ALDH1A3: variants seen among roughly 807,000 people sequenced by gnomAD.
ALDH1A3 encodes the protein retinaldehyde dehydrogenase 3.
In ALDH1A3, 28 loss-of-function variants were observed where a neutral mutation model predicts 57.5. That is an observed-to-expected ratio of 0.49 (90% confidence interval 0.36 to 0.67). The LOEUF (loss-of-function observed/expected upper bound fraction) is 0.67. Ranked by LOEUF, ALDH1A3 falls within the 30% of genes least tolerant of loss-of-function variation. The probability of loss-of-function intolerance (pLI) is 0.00; values close to 1 mark genes in which losing one functional copy is unlikely to be tolerated. For missense variants in ALDH1A3, 507 were observed against 669.4 expected (o/e 0.76, Z 2.68); for synonymous variants, 281 against 264.8 (o/e 1.06, Z -0.59).
At chr15:100,910,322 G>A (rs139294911) in intron 12 of ALDH1A3, among the ~76,000 whole-genome samples, 132 of 152,368 alleles carry the variant, frequency 8.7e-4, no homozygotes, top group African/African-American at 3.0e-3. Flanking sequence ...CTAGTGGCCT[G>A]TTTGCATTTG....
chr15:100,914,782 C>T lies in ALDH1A3; in HGVS notation c.*9C>T, dbSNP rs768109909. Reference sequence around the variant, plus strand: ...GCGACAAGAACCCCTGAAGGAAAGGCGGGGCTCCTTCCTCAAACATCGGAC... The same window carrying T: ...GCGACAAGAACCCCTGAAGGAAAGGTGGGGCTCCTTCCTCAAACATCGGAC... On this transcript the variant is annotated 3_prime_UTR_variant, in exon 13 of 13. Coordinates refer to ENST00000329841, the MANE Select transcript of ALDH1A3 (RefSeq NM_000693.4). 22 of 1,613,470 alleles carry T rather than the reference C, an allele frequency of 1.4e-5. No individual in the cohort carries two copies. The highest frequency in any genetic ancestry group is 2.2e-5 in the East Asian group (1 of 44,878).
intron 9 of ALDH1A3, 134 bp from the exon 10 acceptor site, chr15:100,905,389 A>C: frequency 9.0e-7 from 1 of 1,105,744 alleles, no homozygotes; most frequent in Non-Finnish European, 1.3e-6. Context: ...AAGGCTCATT[A>C]GTTACATGGA....
chr15:100,903,343 T>TA (rs1323173429), intron 9 of ALDH1A3, among the ~76,000 whole-genome samples: 2 of 152,164 alleles, frequency 1.3e-5, no homozygotes, highest in African/African-American at 2.4e-5. Flanking sequence ...TATTGTTCCC[T>TA]AAAAAAACTG....
intron 3 of ALDH1A3, among the ~76,000 whole-genome samples, chr15:100,891,553 A>C (rs1488144539): frequency 6.6e-6 from 1 of 152,238 alleles, no homozygotes; most frequent in East Asian, 1.9e-4. Context: ...CCGTGCCTGC[A>C]CCTTGAAGTG....
At position 100,905,524 on chromosome 15, in the gene ALDH1A3, T is replaced by C. The variant is rs1324691550; in HGVS notation, c.1070T>C (p.Ile357Thr). Residue 357 changes from isoleucine to threonine, a missense_variant and splice_region_variant, in exon 10 of 13, where the codon ATT (isoleucine) becomes ACT (threonine). Physicochemically the swap from Ile to Thr is moderately conservative, Grantham distance 89 (BLOSUM62 -1). Around this residue, in one of 2 missense-constraint regions of ALDH1A3, gnomAD observed 432 missense variants for 608.4 expected, o/e 0.71. Coordinates refer to ENST00000329841, the MANE Select transcript of ALDH1A3 (RefSeq NM_000693.4). ...GTACTTCTTGTTTGTGTCTTGCAGATTGATCAAAAGCAGTTCGACAAAATC... is the reference window on the plus strand; with the variant it reads ...GTACTTCTTGTTTGTGTCTTGCAGACTGATCAAAAGCAGTTCGACAAAATC... Reference protein sequence around the residue: ...FDVKTEQGPQIDQKQFDKILE... With the variant: ...FDVKTEQGPQTDQKQFDKILE... The C allele has an allele frequency of 6.2e-7, 1 of 1,614,162 alleles. No homozygotes were observed.
At chr15:100,903,561 G>A (rs2041792218) in intron 9 of ALDH1A3, among the ~76,000 whole-genome samples, 1 of 152,228 alleles carries the variant, frequency 6.6e-6, no homozygotes, top group Admixed American at 6.5e-5. Flanking sequence ...GGGTTGCTAA[G>A]TGGGAACACA....
At chr15:100,913,023 C>T (rs368342267) in intron 12 of ALDH1A3, among the ~76,000 whole-genome samples, 2,051 of 95,882 alleles carry the variant, frequency 0.021, 665 homozygotes, top group East Asian at 0.076. Context: ...CCGGGCGTGG[C>T]AGCGGGCGCC....
At chr15:100,884,347 G>A (rs757780791) in intron 1 of ALDH1A3, among the ~76,000 whole-genome samples, 3 of 152,140 alleles carry the variant, frequency 2.0e-5, no homozygotes, top group Non-Finnish European at 2.9e-5. Flanking sequence ...CATGGACTTC[G>A]TATGTTCTTC....
chr15:100,896,821 T>C (rs79462614), intron 7 of ALDH1A3, among the ~76,000 whole-genome samples: 1,813 of 152,328 alleles, frequency 0.012, 30 homozygotes, highest in African/African-American at 0.041. Flanking sequence ...CTGTCCATGA[T>C]CTATTGTTGA....
intron 6 of ALDH1A3, chr15:100,895,566 A>G (rs2041693681): frequency 3.9e-6 from 1 of 256,590 alleles, no homozygotes; most frequent in African/African-American, 2.2e-5. Flanking sequence ...TAACGCATAC[A>G]CACACTCTCC....
chr15:100,898,965 C>T (rs753095712), intron 8 of ALDH1A3, among the ~76,000 whole-genome samples: 5 of 152,210 alleles, frequency 3.3e-5, no homozygotes, highest in Admixed American at 6.5e-5. Flanking sequence ...GACCTGTCCA[C>T]GGGTGCCAGA....
At chr15:100,892,892 C>G (rs2041664125) in intron 4 of ALDH1A3, 53 bp from the exon 5 acceptor site, 2 of 1,579,562 alleles carry the variant, frequency 1.3e-6, no homozygotes, top group Non-Finnish European at 1.7e-6. Flanking sequence ...ACTTGAAGTT[C>G]CTAACCTGGA....
chr15:100,898,250 C>T (rs1457444790), intron 8 of ALDH1A3, 65 bp downstream of exon 8: 41 of 1,450,504 alleles, frequency 2.8e-5, no homozygotes, highest in Admixed American at 3.6e-5. Flanking sequence ...CCCCTACTTC[C>T]TGGCCTGAAT....
chr15:100,892,274 A>T, intron 3 of ALDH1A3: 1 of 513,304 alleles, frequency 1.9e-6, no homozygotes. Context: ...TCTATGTTTT[A>T]GCCCACCACC....
intron 12 of ALDH1A3, among the ~76,000 whole-genome samples, chr15:100,908,727 C>G (rs1044618595): frequency 1.3e-5 from 2 of 152,200 alleles, no homozygotes; most frequent in African/African-American, 4.8e-5. Flanking sequence ...GCCCAGCAGC[C>G]ATCATGCTGG....
At chr15:100,900,849 G>A (rs190767304) in intron 9 of ALDH1A3, 90 bp downstream of exon 9, 58 of 1,422,982 alleles carry the variant, frequency 4.1e-5, no homozygotes, top group African/African-American at 2.7e-4. Flanking sequence ...GTCCCTCTCC[G>A]TGAAAGGAAT....
intron 9 of ALDH1A3, among the ~76,000 whole-genome samples, chr15:100,904,337 A>G (rs938268000): frequency 4.0e-5 from 6 of 151,530 alleles, no homozygotes; most frequent in Non-Finnish European, 8.8e-5. Flanking sequence ...CCTGGTATAA[A>G]GTGTGAGGTA....
chr15:100,896,156 A>G, intron 7 of ALDH1A3, 110 bp downstream of exon 7: 1 of 935,154 alleles, frequency 1.1e-6, no homozygotes, highest in Non-Finnish European at 1.6e-6. Flanking sequence ...TCTAAATTTG[A>G]CCATGTTTTA....
chr15:100,880,076 G>A, intron 1 of ALDH1A3, 70 bp downstream of exon 1: 16 of 1,179,630 alleles, frequency 1.4e-5, no homozygotes, highest in Non-Finnish European at 1.7e-5. Flanking sequence ...CGGGGCGGCG[G>A]GGGCGAGGGA....
Sources: gnomAD v4.1 joint callset for allele counts (sites outside exome capture counted in the v4.1 genomes callset) on GRCh38, gnomAD v4.1.1 for gene constraint, gnomAD v4.1.1 regional missense constraint, MANE v1.5 for transcripts, NCBI Gene and HGNC (gene_info 2026-07-23, HGNC 2026-07-21) for gene names.